Variants in TAFA1 observed in about 807,000 individuals in gnomAD.
The protein encoded by TAFA1 is chemokine-like protein TAFA-1.
TAFA1 carries 4 observed loss-of-function variants against 18.5 expected under a neutral mutation model. The ratio of observed to expected loss-of-function variants is 0.22; its 90% CI spans 0.11 to 0.49. The LOEUF (loss-of-function observed/expected upper bound fraction) is 0.49, where lower values mean the gene tolerates loss of function less well. Ranked by LOEUF, TAFA1 falls within the 20% of genes least tolerant of loss-of-function variation. The pLI, the probability that TAFA1 is intolerant of heterozygous loss-of-function variation, is 0.98. For missense variants in TAFA1, 147 were observed against 169.0 expected, an observed-to-expected ratio of 0.87 and a Z score of 0.72; for synonymous variants, 56 against 55.2, an observed-to-expected ratio of 1.01 and a Z score of -0.06.
intron 2 of TAFA1, among the ~76,000 whole-genome samples, chr3:68,347,528 G>T (rs376654113): frequency 1.3e-5 from 2 of 152,098 alleles, no homozygotes; most frequent in Non-Finnish European, 2.9e-5. Flanking sequence ...CATATTTTAG[G>T]TTCCACAGGT....
At chr3:68,362,227 T>C (rs1170698876) in intron 2 of TAFA1, among the ~76,000 whole-genome samples, 1 of 152,150 alleles carries the variant, frequency 6.6e-6, no homozygotes, top group Non-Finnish European at 1.5e-5. Flanking sequence ...TGATTTGTGC[T>C]ACAGGCCTAG....
At chr3:68,537,754 T>C (rs1333156529) in intron 3 of TAFA1, among the ~76,000 whole-genome samples, 1 of 152,212 alleles carries the variant, frequency 6.6e-6, no homozygotes, top group Admixed American at 6.6e-5. Context: ...TAAAATATTT[T>C]TATTTCCTTC....
At chr3:68,417,620 A>C in intron 3 of TAFA1, 200 bp downstream of exon 3, 1 of 581,858 alleles carries the variant, frequency 1.7e-6, no homozygotes, top group Non-Finnish European at 2.9e-6. Flanking sequence ...TCCCCAAAAA[A>C]TAGATGTTGA....
intron 2 of TAFA1, among the ~76,000 whole-genome samples, chr3:68,090,579 G>A (rs192888414): frequency 1.4e-4 from 22 of 152,234 alleles, no homozygotes; most frequent in African/African-American, 5.3e-4. Context: ...GTGGTGTTTT[G>A]TGCCTCTCAT....
At chr3:68,188,627 A>G (rs2066300371) in intron 2 of TAFA1, among the ~76,000 whole-genome samples, 1 of 151,700 alleles carries the variant, frequency 6.6e-6, no homozygotes. Flanking sequence ...TGTTATGTTT[A>G]CAGAACCAGC....
chr3:68,066,593 T>C (rs1421647510), intron 2 of TAFA1, among the ~76,000 whole-genome samples: 1 of 152,200 alleles, frequency 6.6e-6, no homozygotes, highest in Non-Finnish European at 1.5e-5. Context: ...ACCCAGGTTA[T>C]ACAGAATAAC....
intron 2 of TAFA1, among the ~76,000 whole-genome samples, chr3:68,364,635 G>T (rs1282004812): frequency 6.6e-6 from 1 of 152,130 alleles, no homozygotes; most frequent in Non-Finnish European, 1.5e-5. Context: ...AAACTGAGAT[G>T]TATATCTAAG....
At chr3:68,194,473 A>G (rs2066387003) in intron 2 of TAFA1, among the ~76,000 whole-genome samples, 1 of 151,804 alleles carries the variant, frequency 6.6e-6, no homozygotes, top group African/African-American at 2.4e-5. Flanking sequence ...GGGATATCTG[A>G]TGACAATTGA....
At chr3:68,075,889 G>C (rs184988344) in intron 2 of TAFA1, among the ~76,000 whole-genome samples, 6 of 152,154 alleles carry the variant, frequency 3.9e-5, no homozygotes, top group Non-Finnish European at 8.8e-5. Flanking sequence ...CAGAGATGGG[G>C]TTTCACCATG....
rs199997434 is a variant in TAFA1, at chr3:68,149,732, T to C, written c.118+142988T>C. Reference sequence around the variant, plus strand: ...CCAGCTTTGGGATAAAATTTCAACATGATATTTGGGAGGACAAACTTCAAA... The same window carrying C: ...CCAGCTTTGGGATAAAATTTCAACACGATATTTGGGAGGACAAACTTCAAA... On this transcript the variant is annotated intron_variant, in intron 2 of 4. Transcript: ENST00000478136. 2.0e-5 allele frequency among the ~76,000 whole-genome samples: 3 copies of C among 152,186 alleles called. No individual in the cohort carries two copies. The East Asian group carries it at 5.8e-4, about 29-fold the overall frequency.
chr3:68,425,140 G>A (rs1014922938), intron 3 of TAFA1, among the ~76,000 whole-genome samples: 5 of 151,930 alleles, frequency 3.3e-5, no homozygotes, highest in African/African-American at 1.2e-4. Context: ...AGCCTAGTAT[G>A]AAAAACCCTA....
At chr3:68,201,998 C>T (rs2066474774) in intron 2 of TAFA1, among the ~76,000 whole-genome samples, 1 of 151,558 alleles carries the variant, frequency 6.6e-6, no homozygotes, top group African/African-American at 2.4e-5. Flanking sequence ...CCAGTCTCAC[C>T]AGAATGAGAA....
intron 2 of TAFA1, among the ~76,000 whole-genome samples, chr3:68,017,310 T>G (rs1320454303): frequency 6.6e-6 from 1 of 152,210 alleles, no homozygotes; most frequent in African/African-American, 2.4e-5. Flanking sequence ...TGAACATTTG[T>G]AGGGCAACAC....
chr3:68,440,169 A>G (rs761615332), intron 3 of TAFA1, among the ~76,000 whole-genome samples: 2 of 152,178 alleles, frequency 1.3e-5, no homozygotes, highest in East Asian at 1.9e-4. Flanking sequence ...ATAGTGAATG[A>G]GTCTCAAAAG....
At chr3:68,276,251 C>T (rs772254571) in intron 2 of TAFA1, among the ~76,000 whole-genome samples, 1 of 151,910 alleles carries the variant, frequency 6.6e-6, no homozygotes, top group Non-Finnish European at 1.5e-5. Flanking sequence ...TCTAAAGCAA[C>T]GCTTCTCAAC....
chr3:68,239,880 G>A (rs1287723796), intron 2 of TAFA1, among the ~76,000 whole-genome samples: 1 of 152,166 alleles, frequency 6.6e-6, no homozygotes, highest in African/African-American at 2.4e-5. Context: ...TGCTGGAAGT[G>A]AATTTGCCTT....
At chr3:68,352,850 G>A (rs1244368820) in intron 2 of TAFA1, among the ~76,000 whole-genome samples, 3 of 151,952 alleles carry the variant, frequency 2.0e-5, no homozygotes, top group Non-Finnish European at 4.4e-5. Context: ...CAAAGCAAGG[G>A]AAAGTGAGGA....
intron 2 of TAFA1, among the ~76,000 whole-genome samples, chr3:68,094,535 G>T (rs1431656375): frequency 6.6e-6 from 1 of 152,160 alleles, no homozygotes; most frequent in Non-Finnish European, 1.5e-5. Context: ...GTTTGTATCT[G>T]AGAAAGTGAA....
At chr3:68,137,973 G>A (rs991137167) in intron 2 of TAFA1, among the ~76,000 whole-genome samples, 3 of 112,604 alleles carry the variant, frequency 2.7e-5, no homozygotes, top group Non-Finnish European at 3.8e-5. Flanking sequence ...ACTAATCTTC[G>A]CTACTATTTA....
Sources: gnomAD v4.1 joint callset for allele counts (sites outside exome capture counted in the v4.1 genomes callset) on GRCh38, gnomAD v4.1.1 for gene constraint, MANE v1.5 for transcripts, NCBI Gene and HGNC (gene_info 2026-07-23, HGNC 2026-07-21) for gene names.